The following CNBD1 variants were observed in gnomAD, a reference collection of about 807,000 sequenced individuals.
The protein encoded by CNBD1 is cyclic nucleotide binding domain containing 1.
CNBD1 carries 71 observed loss-of-function variants against 54.4 expected under a neutral mutation model. The observed-to-expected ratio is 1.30, with a 90% CI of 1.08 to 1.59. CNBD1 has a LOEUF of 1.59. Among genes scored for constraint, CNBD1 ranks in the 40% most tolerant of loss-of-function variants. The pLI is 0.00. For missense variants in CNBD1, 659 were observed against 518.0 expected (o/e 1.27, Z -2.64); for synonymous variants, 182 against 170.7 (o/e 1.07, Z -0.51).
chr8:86,977,811 G>A (rs1340439625), intron 4 of CNBD1, among the ~76,000 whole-genome samples: 2 of 151,976 alleles, frequency 1.3e-5, no homozygotes, highest in Non-Finnish European at 2.9e-5. Flanking sequence ...CCAAACATTT[G>A]AAGAACTAAT....
intron 6 of CNBD1, among the ~76,000 whole-genome samples, chr8:87,257,259 C>T (rs1005113651): frequency 1.3e-5 from 2 of 151,380 alleles, no homozygotes; most frequent in Non-Finnish European, 2.9e-5. Context: ...ATACCAGCCA[C>T]TGGGGAGGCT....
intron 4 of CNBD1, among the ~76,000 whole-genome samples, chr8:87,109,224 T>A (rs989259227): frequency 1.3e-5 from 2 of 152,106 alleles, no homozygotes; most frequent in African/African-American, 4.8e-5. Context: ...AAACCCTAAG[T>A]GTATCCAGCC....
At chr8:87,040,415 T>G (rs573429008) in intron 4 of CNBD1, among the ~76,000 whole-genome samples, 1 of 142,940 alleles carries the variant, frequency 7.0e-6, no homozygotes, top group East Asian at 2.0e-4. Context: ...TTGTAATGAA[T>G]TCTTTTTCTT....
At chr8:86,969,926 G>A (rs1808182517) in intron 4 of CNBD1, among the ~76,000 whole-genome samples, 1 of 151,310 alleles carries the variant, frequency 6.6e-6, no homozygotes, top group South Asian at 2.1e-4. Context: ...TTTTAAACTT[G>A]CATTTCTTTT....
intron 8 of CNBD1, among the ~76,000 whole-genome samples, chr8:87,327,399 C>A (rs1266539936): frequency 2.0e-5 from 3 of 151,910 alleles, no homozygotes; most frequent in East Asian, 1.9e-4. Context: ...GCCCCTCCCC[C>A]ACCCTCGCTG....
chr8:87,325,450 A>T (rs1313242875), intron 8 of CNBD1, among the ~76,000 whole-genome samples: 1 of 89,048 alleles, frequency 1.1e-5, no homozygotes, highest in Non-Finnish European at 2.2e-5. Context: ...GTCTCTTTGT[A>T]GGTCACTCAG....
intron 5 of CNBD1, among the ~76,000 whole-genome samples, chr8:87,209,255 G>T (rs1280714716): frequency 6.6e-6 from 1 of 151,922 alleles, no homozygotes; most frequent in East Asian, 1.9e-4. Flanking sequence ...GAATAGGAGG[G>T]TATATTCCCA....
chr8:87,213,588 CA>C (rs1343223116), intron 5 of CNBD1, among the ~76,000 whole-genome samples: 4 of 152,126 alleles, frequency 2.6e-5, no homozygotes, highest in African/African-American at 9.7e-5. Context: ...GAAACAACCC[CA>C]TGATTCAAAT....
At chr8:87,200,446 A>G (rs1355746864) in intron 4 of CNBD1, among the ~76,000 whole-genome samples, 1 of 152,158 alleles carries the variant, frequency 6.6e-6, no homozygotes, top group East Asian at 1.9e-4. Context: ...AATGAAATAG[A>G]GAATAAAAAA....
intron 4 of CNBD1, among the ~76,000 whole-genome samples, chr8:87,179,622 C>T (rs374107110): frequency 2.2e-4 from 33 of 152,232 alleles, no homozygotes; most frequent in African/African-American, 4.8e-4. Flanking sequence ...AGTCTTGGCA[C>T]GACCCAGAGT....
In CNBD1 at chr8:87,269,964, A is replaced by G. The variant is rs117125876; in HGVS notation, c.772-14714A>G. ...GGCAGAGCTATAATGAATAAAGAAA[A>G]CTTCAGGCCAATATTTCTGATGAAA... On this transcript the variant is annotated intron_variant, in intron 6 of 10. Coordinates refer to ENST00000518476, the MANE Select transcript of CNBD1 (RefSeq NM_173538.3). 9.5e-3 allele frequency among the ~76,000 whole-genome samples: 1,439 copies of G among 152,096 alleles called. 16 individuals are homozygous for G. Among genetic ancestry groups the G allele is most frequent in the Non-Finnish European group, 0.014 (969 of 67,930 alleles).
chr8:87,014,275 G>GT (rs58073603), intron 4 of CNBD1, among the ~76,000 whole-genome samples: 23 of 146,668 alleles, frequency 1.6e-4, no homozygotes, highest in Non-Finnish European at 2.7e-4. Flanking sequence ...ATTGTTAGCA[G>GT]TTTTTTTTTT....
At chr8:86,880,114 G>A (rs991597547) in intron 1 of CNBD1, among the ~76,000 whole-genome samples, 1 of 152,128 alleles carries the variant, frequency 6.6e-6, no homozygotes, top group Non-Finnish European at 1.5e-5. Context: ...CATTATTGTA[G>A]TATTACAGAT....
intron 2 of CNBD1, among the ~76,000 whole-genome samples, chr8:87,394,344 C>T (rs1011052513): frequency 6.6e-6 from 1 of 151,910 alleles, no homozygotes; most frequent in African/African-American, 2.4e-5. Flanking sequence ...AATAGTTCAA[C>T]TTCACATATA....
downstream of CNBD1, chr8:87,382,986 G>A (rs1350192965): frequency 6.0e-6 from 1 of 166,102 alleles, no homozygotes; most frequent in Non-Finnish European, 1.3e-5. Flanking sequence ...TACTCCTCAA[G>A]TTGTCATTTT....
At chr8:87,343,650 A>C (rs1329029834) in intron 8 of CNBD1, among the ~76,000 whole-genome samples, 1 of 152,214 alleles carries the variant, frequency 6.6e-6, no homozygotes, top group East Asian at 1.9e-4. Flanking sequence ...AACAAAGTTG[A>C]ATACTATAAA....
chr8:87,077,138 T>C (rs960241301), intron 4 of CNBD1, among the ~76,000 whole-genome samples: 3 of 152,176 alleles, frequency 2.0e-5, no homozygotes, highest in Non-Finnish European at 4.4e-5. Context: ...TTTTGAGGCC[T>C]TGAGGGACCT....
chr8:87,329,249 T>C (rs1342218342), intron 8 of CNBD1, among the ~76,000 whole-genome samples: 1 of 152,168 alleles, frequency 6.6e-6, no homozygotes, highest in Non-Finnish European at 1.5e-5. Flanking sequence ...ATTTCTGGGC[T>C]TACATTGATC....
chr8:87,121,585 C>T (rs1301357831), intron 4 of CNBD1, among the ~76,000 whole-genome samples: 2 of 151,600 alleles, frequency 1.3e-5, no homozygotes, highest in Non-Finnish European at 3.0e-5. Flanking sequence ...TGACTATTGT[C>T]ACCCTGCTAT....
Sources: gnomAD v4.1 joint callset for allele counts (sites outside exome capture counted in the v4.1 genomes callset) on GRCh38, gnomAD v4.1.1 for gene constraint, MANE v1.5 for transcripts, NCBI Gene and HGNC (gene_info 2026-07-23, HGNC 2026-07-21) for gene names.